Variants in USP10 observed in about 807,000 individuals in gnomAD.
The protein encoded by USP10 is ubiquitin carboxyl-terminal hydrolase 10.
A neutral mutation model predicts 84.5 loss-of-function variants in USP10; 22 were observed. The observed-to-expected ratio is 0.26, with a 90% CI of 0.19 to 0.37. The LOEUF (loss-of-function observed/expected upper bound fraction) is 0.37, where lower values mean the gene tolerates loss of function less well. USP10 is among the 10% of genes least tolerant of loss of function. The probability of loss-of-function intolerance (pLI) is 1.00; values close to 1 mark genes in which losing one functional copy is unlikely to be tolerated. For missense variants in USP10, 1,019 were observed against 998.9 expected, an observed-to-expected ratio of 1.02 and a Z score of -0.27; for synonymous variants, 454 against 387.6, an observed-to-expected ratio of 1.17 and a Z score of -2.01.
intron 1 of USP10, among the ~76,000 whole-genome samples, chr16:84,706,627 G>A (rs947894958): frequency 2.0e-5 from 3 of 151,400 alleles, no homozygotes; most frequent in African/African-American, 4.8e-5. Flanking sequence ...TGCAAGCTCC[G>A]CCTCCCGGGT....
chr16:84,772,609 C>T lies in USP10; in HGVS notation c.2067C>T (p.Phe689=), dbSNP rs769195477. ...PPVLVLHLKR[F]VYEKTGGCQK... is the part of the protein sequence containing the mutation. Reference sequence around the variant, plus strand: ...TCCTCGTGCTGCACCTGAAACGATTCGTTTATGAGAAGACTGGTGGGTGCC... The same window carrying T: ...TCCTCGTGCTGCACCTGAAACGATTTGTTTATGAGAAGACTGGTGGGTGCC... The change falls in exon 12 of 14, where the codon TTC becomes TTT. Residue 689 remains phenylalanine (F), a synonymous_variant. Coordinates refer to ENST00000219473, the MANE Select transcript of USP10 (RefSeq NM_005153.3). The T allele has an allele frequency of 8.1e-6, 13 of 1,613,802 alleles. No homozygotes were observed. Among genetic ancestry groups the T allele is most frequent in the East Asian group, 6.7e-5 (3 of 44,888 alleles).
At chr16:84,714,104 G>C (rs1906675917) in intron 1 of USP10, among the ~76,000 whole-genome samples, 1 of 152,194 alleles carries the variant, frequency 6.6e-6, no homozygotes, top group Non-Finnish European at 1.5e-5. Flanking sequence ...GCAGTTTGGA[G>C]GGTGAGGGGT....
Position 84,745,049 on chromosome 16 carries a change from A to G in USP10, c.568A>G (p.Ser190Gly), listed in dbSNP as rs750542956. 1 of 1,613,754 alleles carries G rather than the reference A, an allele frequency of 6.2e-7. No homozygotes were observed. Among genetic ancestry groups the G allele is most frequent in the Admixed American group, 1.7e-5 (1 of 60,018 alleles). Residue 190 changes from serine (S) to glycine (G), a missense_variant, in exon 4 of 14, where the codon AGT (serine) becomes GGT (glycine). Transcript: ENST00000219473. ...HANSAVPNSV[S>G]AEDAEFMGDM... The stretch of plus-strand genomic sequence containing the variant: ...CAATTCAGCAGTCCCGAACAGTGTC[A>G]GTGCAGAGGATGCAGAATTTATGGG...
intron 13 of USP10, among the ~76,000 whole-genome samples, chr16:84,776,496 G>A (rs985209494): frequency 6.6e-6 from 1 of 152,226 alleles, no homozygotes; most frequent in Non-Finnish European, 1.5e-5. Context: ...ACGCGCTTGT[G>A]GGTGTCTCCA....
chr16:84,777,332 C>G (rs1187509087), intron 13 of USP10, among the ~76,000 whole-genome samples: 2 of 152,210 alleles, frequency 1.3e-5, no homozygotes, highest in African/African-American at 4.8e-5. Flanking sequence ...GTAAAACCCC[C>G]AGGCCCTGCA....
chr16:84,751,710 T>C (rs1053425652), intron 4 of USP10, among the ~76,000 whole-genome samples: 1 of 152,170 alleles, frequency 6.6e-6, no homozygotes, highest in Non-Finnish European at 1.5e-5. Context: ...GAAAAGCACT[T>C]GGAGAATGTT....
At chr16:84,764,553 A>G (rs1269228036) in intron 10 of USP10, among the ~76,000 whole-genome samples, 9 of 152,194 alleles carry the variant, frequency 5.9e-5, no homozygotes, top group African/African-American at 2.2e-4. Flanking sequence ...CTAATTGGCC[A>G]TACGCGGTGG....
At chr16:84,729,428 T>C (rs1264069796) in intron 1 of USP10, among the ~76,000 whole-genome samples, 1 of 152,258 alleles carries the variant, frequency 6.6e-6, no homozygotes, top group African/African-American at 2.4e-5. Flanking sequence ...AGGATTCCTT[T>C]ATATGTGGTT....
chr16:84,773,140 GTC>G (rs1356329528), intron 12 of USP10, among the ~76,000 whole-genome samples: 1 of 152,184 alleles, frequency 6.6e-6, no homozygotes, highest in Non-Finnish European at 1.5e-5. Flanking sequence ...CCAGCCTCAA[GTC>G]TCTGTCAGGT....
At position 84,734,895 on chromosome 16, in the gene USP10, T is replaced by C. The variant is rs141366025; in HGVS notation, c.90+1392T>C. On this transcript the variant is annotated intron_variant, in intron 2 of 13. Coordinates refer to ENST00000219473, the MANE Select transcript of USP10 (RefSeq NM_005153.3). ...TGCCTCCTCACCATTCATTGGGAAC[T>C]CGGCCCTTAGCTGTCCTGTCAGCCC... Among the ~76,000 whole-genome samples the C allele has an allele frequency of 2.1e-3, 315 of 152,356 alleles. 7 individuals are homozygous for C. In the East Asian group the frequency reaches 0.051, roughly 25 times the overall value.
At chr16:84,767,344 A>G (rs781521149) in intron 10 of USP10, among the ~76,000 whole-genome samples, 1 of 152,178 alleles carries the variant, frequency 6.6e-6, no homozygotes, top group Non-Finnish European at 1.5e-5. Context: ...AAAGGAAAAA[A>G]AAAATGAAAT....
intron 1 of USP10, among the ~76,000 whole-genome samples, chr16:84,704,479 G>A (rs41451547): frequency 0.082 from 12,465 of 151,976 alleles, 775 homozygotes; most frequent in East Asian, 0.21. Flanking sequence ...CAGTGTAGAT[G>A]TTCATTTCCA....
intron 1 of USP10, among the ~76,000 whole-genome samples, chr16:84,723,664 A>G (rs986697476): frequency 2.6e-5 from 4 of 152,252 alleles, no homozygotes; most frequent in African/African-American, 7.2e-5. Context: ...AGTCTACTGC[A>G]TTAACTTCTG....
intron 1 of USP10, among the ~76,000 whole-genome samples, chr16:84,718,649 C>T (rs1452888237): frequency 6.6e-6 from 1 of 151,184 alleles, no homozygotes; most frequent in Non-Finnish European, 1.5e-5. Flanking sequence ...ACCAGCTACT[C>T]GGAGGCTGAG....
At position 84,751,223 on chromosome 16, in the gene USP10, G is replaced by A. The variant is rs374054985; in HGVS notation, c.1192+5550G>A. Among the ~76,000 whole-genome samples, 266 of 152,320 alleles carry A rather than the reference G, an allele frequency of 1.7e-3. 13 individuals are homozygous for A. In the South Asian group the frequency reaches 0.053, roughly 30 times the overall value. Reference sequence around the variant, plus strand: ...AGGCTCTAGCATATGGCCCAGGTGTGTAGTTGGCTATACCATCTAGGCATG... The same window carrying A: ...AGGCTCTAGCATATGGCCCAGGTGTATAGTTGGCTATACCATCTAGGCATG... On this transcript the variant is annotated intron_variant, in intron 4 of 13. Coordinates refer to ENST00000219473, the MANE Select transcript of USP10 (RefSeq NM_005153.3).
intron 1 of USP10, among the ~76,000 whole-genome samples, chr16:84,723,747 G>T (rs1011225049): frequency 1.3e-5 from 2 of 152,154 alleles, no homozygotes; most frequent in African/African-American, 4.8e-5. Flanking sequence ...TAACGTATGT[G>T]CGGTGAATTT....
chr16:84,772,815 GT>G (rs1195890073), intron 12 of USP10, 130 bp downstream of exon 12: 1 of 1,281,520 alleles, frequency 7.8e-7, no homozygotes, highest in Non-Finnish European at 1.1e-6. Context: ...CTTGTTTTAA[GT>G]TTCTTGACTT....
intron 1 of USP10, among the ~76,000 whole-genome samples, chr16:84,710,774 C>A (rs1449805263): frequency 6.6e-6 from 1 of 152,182 alleles, no homozygotes; most frequent in African/African-American, 2.4e-5. Flanking sequence ...AATCACCTGG[C>A]ACCCTGGGTG....
At chr16:84,746,123 T>C (rs959025102) in intron 4 of USP10, among the ~76,000 whole-genome samples, 19 of 151,628 alleles carry the variant, frequency 1.3e-4, no homozygotes, top group African/African-American at 4.6e-4. Flanking sequence ...AGTAAATGGA[T>C]TTTATTCAGA....
Sources: allele counts gnomAD v4.1 joint callset (sites outside exome capture counted in the v4.1 genomes callset), GRCh38; gene constraint gnomAD v4.1.1; transcripts MANE v1.5; gene names NCBI Gene and HGNC (gene_info 2026-07-23, HGNC 2026-07-21).